DLGAP2: variants seen among roughly 807,000 people sequenced by gnomAD.
DLGAP2 encodes the protein DLG associated protein 2.
Under a neutral mutation model 100.3 loss-of-function variants are expected in DLGAP2, and 26 were observed. That is an observed-to-expected ratio of 0.26 (90% CI 0.19 to 0.36). DLGAP2 has a LOEUF of 0.36. Among genes scored for constraint, DLGAP2 ranks in the 10% least tolerant of loss-of-function variants. The pLI, the probability that DLGAP2 is intolerant of heterozygous loss-of-function variation, is 1.00. For missense variants in DLGAP2, 1,858 were observed against 1,453.2 expected, an observed-to-expected ratio of 1.28 and a Z score of -4.53; for synonymous variants, 886 against 630.1, an observed-to-expected ratio of 1.41 and a Z score of -6.08.
At chr8:1,101,702 TCG>T (rs879297180) in intron 2 of DLGAP2, among the ~76,000 whole-genome samples, 6,006 of 147,770 alleles carry the variant, frequency 0.041, 615 homozygotes, top group East Asian at 0.11. Context: ...GGGAAGGTCC[TCG>T]TCACCCCGGA....
At chr8:891,137 C>CCA (rs1554441051) in intron 1 of DLGAP2, 1 of 152,442 alleles carries the variant, frequency 6.6e-6, no homozygotes, top group Non-Finnish European at 1.5e-5. Flanking sequence ...GCACCCCCCC[C>CCA]CCAGTTGCCA....
At chr8:1,368,673 TTTA>T (rs1802167372) in intron 3 of DLGAP2, 1 of 152,222 alleles carries the variant, frequency 6.6e-6, no homozygotes, top group African/African-American at 2.4e-5. Flanking sequence ...ATATCAATTT[TTTA>T]TTTTTGGCAT....
At chr8:1,482,049 G>T (rs1004983068) in intron 3 of DLGAP2, among the ~76,000 whole-genome samples, 2 of 152,210 alleles carry the variant, frequency 1.3e-5, no homozygotes, top group Admixed American at 6.5e-5. Flanking sequence ...TGTCTTCACA[G>T]CAGGGCTGGA....
intron 2 of DLGAP2, among the ~76,000 whole-genome samples, chr8:950,588 G>A (rs1489885160): frequency 6.7e-6 from 1 of 150,122 alleles, no homozygotes; most frequent in East Asian, 2.0e-4. Context: ...TTTCCTTGTA[G>A]AAAAATTTGT....
At chr8:874,061 C>G (rs1051158744) in intron 1 of DLGAP2, among the ~76,000 whole-genome samples, 1 of 152,084 alleles carries the variant, frequency 6.6e-6, no homozygotes, top group Non-Finnish European at 1.5e-5. Context: ...GATGATACCC[C>G]TCTTTCATCT....
intron 2 of DLGAP2, among the ~76,000 whole-genome samples, chr8:941,338 G>A (rs1276521566): frequency 6.6e-6 from 1 of 152,066 alleles, no homozygotes; most frequent in Non-Finnish European, 1.5e-5. Context: ...GCGGCAAGGT[G>A]AGATGTACCA....
chr8:861,382 G>A (rs533954249), intron 1 of DLGAP2, among the ~76,000 whole-genome samples: 12 of 152,182 alleles, frequency 7.9e-5, no homozygotes, highest in East Asian at 1.9e-4. Context: ...CACACATACC[G>A]GGGATGACTG....
At position 903,630 on chromosome 8, in the gene DLGAP2, C is replaced by G. The variant is rs147012873; in HGVS notation, c.19-4282C>G. On this transcript the variant is annotated intron_variant, in intron 1 of 14. Coordinates refer to ENST00000637795, the MANE Select transcript of DLGAP2 (RefSeq NM_001346810.2). Reference sequence around the variant, plus strand: ...TTCCTCCACTCTGTTCATGGGGCCACTGAGACCAAGAGCTTAGTGACTTGG... The same window carrying G: ...TTCCTCCACTCTGTTCATGGGGCCAGTGAGACCAAGAGCTTAGTGACTTGG... Among the ~76,000 whole-genome samples, 725 of 152,252 alleles carry G rather than the reference C, an allele frequency of 4.8e-3. 2 individuals carry two copies. Among genetic ancestry groups the G allele is most frequent in the African/African-American group, 0.016 (667 of 41,534 alleles).
intron 3 of DLGAP2, among the ~76,000 whole-genome samples, chr8:1,448,474 T>A (rs182943210): frequency 5.1e-4 from 77 of 152,324 alleles, no homozygotes; most frequent in African/African-American, 1.8e-3. Context: ...ATTTCTGTTC[T>A]TTTACATTTG....
chr8:1,174,044 T>A (rs1304016924), intron 2 of DLGAP2, among the ~76,000 whole-genome samples: 1 of 152,198 alleles, frequency 6.6e-6, no homozygotes, highest in Non-Finnish European at 1.5e-5. Context: ...ATCCCATTGT[T>A]CATGACACAG....
intron 1 of DLGAP2, among the ~76,000 whole-genome samples, chr8:886,090 C>G (rs1797916222): frequency 6.6e-6 from 1 of 152,110 alleles, no homozygotes; most frequent in African/African-American, 2.4e-5. Flanking sequence ...TGTTATTGTT[C>G]CATTCAGGGA....
At chr8:1,322,411 C>A (rs113491685) in intron 3 of DLGAP2, among the ~76,000 whole-genome samples, 1 of 152,226 alleles carries the variant, frequency 6.6e-6, no homozygotes, top group Non-Finnish European at 1.5e-5. Context: ...ACCCACCCGG[C>A]GTGCTGGATC....
intron 5 of DLGAP2, among the ~76,000 whole-genome samples, chr8:1,558,252 C>T (rs781118966): frequency 6.6e-6 from 1 of 152,208 alleles, no homozygotes; most frequent in African/African-American, 2.4e-5. Context: ...AGGGCCCAGT[C>T]ACGTGTGCCC....
chr8:1,451,787 A>G (rs560913204), intron 3 of DLGAP2, among the ~76,000 whole-genome samples: 2 of 152,214 alleles, frequency 1.3e-5, no homozygotes, highest in South Asian at 2.1e-4. Flanking sequence ...TGAGGCCACA[A>G]CATTCTCCCA....
chr8:1,542,841 C>A (rs529472082), intron 4 of DLGAP2, among the ~76,000 whole-genome samples: 2 of 152,124 alleles, frequency 1.3e-5, no homozygotes, highest in African/African-American at 4.8e-5. Flanking sequence ...CAGCAGCGTG[C>A]GAGGTTCCAG....
intron 4 of DLGAP2, among the ~76,000 whole-genome samples, chr8:1,534,285 A>G (rs1726431166): frequency 6.6e-6 from 1 of 152,240 alleles, no homozygotes; most frequent in Non-Finnish European, 1.5e-5. Flanking sequence ...TTTCTAGCAC[A>G]GAAAGTAAGG....
chr8:847,898 G>A (rs1563061321), intron 1 of DLGAP2, among the ~76,000 whole-genome samples: 1 of 152,034 alleles, frequency 6.6e-6, no homozygotes, highest in Non-Finnish European at 1.5e-5. Context: ...TCTGTTCGGT[G>A]GTTCTTATTT....
chr8:1,155,704 A>G (rs1306833141), intron 2 of DLGAP2, among the ~76,000 whole-genome samples: 1 of 150,602 alleles, frequency 6.6e-6, no homozygotes, highest in East Asian at 2.0e-4. Context: ...GAGGCTTCCC[A>G]GCGCTTCTCA....
intron 3 of DLGAP2, among the ~76,000 whole-genome samples, chr8:1,268,115 C>G (rs1158572347): frequency 6.6e-6 from 1 of 152,154 alleles, no homozygotes; most frequent in East Asian, 1.9e-4. Context: ...CCCTAGTTTG[C>G]AAATTTCTTT....
Sources: gnomAD v4.1 joint callset for allele counts (sites outside exome capture counted in the v4.1 genomes callset) on GRCh38, gnomAD v4.1.1 for gene constraint, MANE v1.5 for transcripts, NCBI Gene and HGNC (gene_info 2026-07-23, HGNC 2026-07-21) for gene names.